MCF2L: variants seen among roughly 807,000 people sequenced by gnomAD.
MCF2L encodes the protein guanine nucleotide exchange factor DBS.
MCF2L carries 97 observed loss-of-function variants against 153.4 expected under a neutral mutation model. That is an observed-to-expected ratio of 0.63 (90% confidence interval 0.54 to 0.75). MCF2L has a LOEUF of 0.75. Ranked by LOEUF, MCF2L falls within the 30% of genes least tolerant of loss-of-function variation. The pLI is 0.00. For synonymous variants in MCF2L, 659 were observed against 632.2 expected (o/e 1.04, Z -0.64); for missense variants, 1,347 against 1,495.2 (o/e 0.90, Z 1.64).
chr13:113,088,691 A>G (rs1322192548), intron 25 of MCF2L, 63 bp downstream of exon 25: 5 of 1,525,480 alleles, frequency 3.3e-6, no homozygotes, highest in Non-Finnish European at 3.6e-6. Flanking sequence ...GGCCATTTGC[A>G]CGCCAGGGTC....
intron 1 of MCF2L, among the ~76,000 whole-genome samples, chr13:112,973,408 GC>G (rs953285249): frequency 1.3e-5 from 2 of 152,198 alleles, no homozygotes; most frequent in South Asian, 2.1e-4. Context: ...AAAACAATTA[GC>G]TTTCATGGGA....
chr13:113,090,202 G>T, intron 26 of MCF2L: 4 of 1,494,042 alleles, frequency 2.7e-6, no homozygotes, highest in Non-Finnish European at 3.6e-6. Flanking sequence ...CACCGTGGTG[G>T]CGTCTGTCAT....
chr13:112,941,676 G>A lies in MCF2L; in HGVS notation c.169+39305G>A, dbSNP rs1021812157. On this transcript the variant is annotated intron_variant, in intron 2 of 29. Coordinates refer to the MCF2L transcript ENST00000375608. The surrounding 1 kb of genome is among the most constrained non-coding windows in gnomAD (Gnocchi z 4.9). ...CAGGTGCCGAGGCAAGAGACCAAGG[G>A]CACGAGCTGTTCCAGTATAATAAAA... Among the ~76,000 whole-genome samples, 2 of 152,014 alleles carry A rather than the reference G, an allele frequency of 1.3e-5. No individual in the cohort carries two copies. Among genetic ancestry groups the A allele is most frequent in the Non-Finnish European group, 2.9e-5 (2 of 68,026 alleles).
intron 1 of MCF2L, among the ~76,000 whole-genome samples, chr13:112,990,909 C>T (rs1241437823): frequency 2.6e-5 from 4 of 152,208 alleles, no homozygotes; most frequent in Non-Finnish European, 4.4e-5. Flanking sequence ...TGGCTGAATG[C>T]GCTCCTGAAA....
In MCF2L at chr13:112,983,385, C is replaced by A. The variant is rs763235578; in HGVS notation, c.79+13927C>A. On this transcript the variant is annotated intron_variant, in intron 1 of 29. Transcript: ENST00000535094. This position sits in a 1 kb window ranked among gnomAD's most constrained non-coding sequence, Gnocchi z 4.0. ...TGGCACTGCGGAAACCCAGGCCGGA[C>A]CTCACAATTGCAGGATGAGCCTCCT... 1.3e-5 allele frequency among the ~76,000 whole-genome samples: 2 copies of A among 152,222 alleles called. No individual in the cohort carries two copies. Among genetic ancestry groups the A allele is most frequent in the Non-Finnish European group, 2.9e-5 (2 of 68,036 alleles).
chr13:112,937,713 A>C (rs1391784681), intron 2 of MCF2L, among the ~76,000 whole-genome samples: 2 of 152,092 alleles, frequency 1.3e-5, no homozygotes, highest in Non-Finnish European at 2.9e-5. Flanking sequence ...GATGCAGCTG[A>C]GCCCTGATTA....
In MCF2L at chr13:113,064,835, TG is replaced by T; in HGVS notation, c.607-98del. The T allele has an allele frequency of 7.4e-7, 1 of 1,350,652 alleles. No homozygotes were observed. Among genetic ancestry groups the T allele is most frequent in the Non-Finnish European group, 1.0e-6 (1 of 982,868 alleles). 83.7% of individuals were successfully genotyped at this position (1,350,652 alleles called of 1,614,324 possible). A position where few individuals can be genotyped will look rare whatever the true frequency, so the allele number is the denominator to read the frequency against. ...CTTTGCGTCAGCCGGTCTCACCTGATGGGTCTGTGTGGGAACGGTTTCCGCC... is the reference window on the plus strand; with the variant it reads ...CTTTGCGTCAGCCGGTCTCACCTGATGGTCTGTGTGGGAACGGTTTCCGCC... On this transcript the variant is annotated intron_variant, in intron 6 of 29. Coordinates refer to ENST00000535094, the MANE Select transcript of MCF2L (RefSeq NM_001112732.3). This position sits in a 1 kb window ranked among gnomAD's most constrained non-coding sequence, Gnocchi z 6.0.
At chr13:112,903,279 C>G (rs918065463) in intron 2 of MCF2L, among the ~76,000 whole-genome samples, 2 of 152,224 alleles carry the variant, frequency 1.3e-5, no homozygotes, top group African/African-American at 4.8e-5. Flanking sequence ...GGGCCTTGTC[C>G]TGAGCTGGCA....
chr13:113,039,463 G>A (rs2086349051), intron 3 of MCF2L, among the ~76,000 whole-genome samples: 1 of 152,190 alleles, frequency 6.6e-6, no homozygotes, highest in South Asian at 2.1e-4. Context: ...GAAAAGGTCA[G>A]TAAATTGGGC....
intron 2 of MCF2L, chr13:112,957,152 C>T (rs1310455430): frequency 1.2e-4 from 18 of 152,188 alleles, no homozygotes; most frequent in Admixed American, 7.2e-4. Flanking sequence ...TCTAACTGAA[C>T]TGCACAAATG....
rs919693215 is a variant in MCF2L at position 112,904,088 on chromosome 13, T to A, written c.169+1717T>A. 6.6e-6 allele frequency among the ~76,000 whole-genome samples: 1 copy of A among 151,950 alleles called. No homozygotes were observed. The stretch of plus-strand genomic sequence containing the variant: ...TGGTGCCTTTCCCTGAGCGCCCAAG[T>A]CTCGCGTGGACCAGCTCTGGGGACT... On this transcript the variant is annotated intron_variant, in intron 2 of 29. Coordinates refer to the MCF2L transcript ENST00000375608. The surrounding 1 kb of genome is among the most constrained non-coding windows in gnomAD (Gnocchi z 4.2).
intron 2 of MCF2L, among the ~76,000 whole-genome samples, chr13:112,930,647 C>T (rs1005504137): frequency 6.6e-6 from 1 of 152,128 alleles, no homozygotes; most frequent in Non-Finnish European, 1.5e-5. Flanking sequence ...ATCTTAATAC[C>T]TGCAAATTTA....
In MCF2L at chr13:113,011,777, C is replaced by T. The variant is rs1367838379; in HGVS notation, c.80-2986C>T. Among the ~76,000 whole-genome samples, 7 of 114,088 alleles carry T rather than the reference C, an allele frequency of 6.1e-5. 1 individual carries two copies. Among genetic ancestry groups the T allele is most frequent in the Non-Finnish European group, 1.3e-4 (7 of 55,640 alleles). The allele number at this position is 114,088 out of a possible 152,430, so 74.8% of individuals were successfully genotyped here. On this transcript the variant is annotated intron_variant, in intron 1 of 29. Coordinates refer to ENST00000535094, the MANE Select transcript of MCF2L (RefSeq NM_001112732.3). ...GAGGACGGTGGACAGGCGGTGTGGA[C>T]GGTGGACACTGTGATGCGGACGGTG...
At chr13:113,032,455 C>T (rs1477103897) in intron 3 of MCF2L, among the ~76,000 whole-genome samples, 5 of 152,260 alleles carry the variant, frequency 3.3e-5, no homozygotes, top group African/African-American at 7.2e-5. Flanking sequence ...TGTTCATCCA[C>T]GTGTGGTGGG....
At chr13:113,062,123 C>T (rs181656663) in intron 5 of MCF2L, among the ~76,000 whole-genome samples, 328 of 151,560 alleles carry the variant, frequency 2.2e-3, no homozygotes, top group African/African-American at 7.8e-3. Context: ...GTGCATGTAC[C>T]GTTTTTTGTA....
At chr13:113,071,606 T>C (rs1466230468) in intron 9 of MCF2L, among the ~76,000 whole-genome samples, 1 of 152,252 alleles carries the variant, frequency 6.6e-6, no homozygotes. Flanking sequence ...CCAATTGCTG[T>C]AGCACTGTTT....
chr13:112,954,443 T>C (rs752067066), intron 2 of MCF2L, among the ~76,000 whole-genome samples: 5 of 152,244 alleles, frequency 3.3e-5, no homozygotes, highest in South Asian at 2.1e-4. Context: ...CTGCTTCCCA[T>C]TGCGATGTGG....
chr13:113,021,282 C>CTGTGTGTAGCTGTGTGTG (rs6145251), intron 2 of MCF2L, among the ~76,000 whole-genome samples: 1 of 151,632 alleles, frequency 6.6e-6, no homozygotes, highest in East Asian at 1.9e-4. Flanking sequence ...GTATAGGTAG[C>CTGTGTGTAGCTGTGTGTG]TGTGTGTAGC....
intron 1 of MCF2L, among the ~76,000 whole-genome samples, chr13:113,012,606 G>T (rs2084228936): frequency 8.6e-6 from 1 of 116,272 alleles, no homozygotes; most frequent in Non-Finnish European, 1.9e-5. Context: ...TGTGGACACT[G>T]TGATGCGGAC....
Sources: allele counts gnomAD v4.1 joint callset (sites outside exome capture counted in the v4.1 genomes callset), GRCh38; gene constraint gnomAD v4.1.1; non-coding constraint Gnocchi (gnomAD v3.1); transcripts MANE v1.5; gene names NCBI Gene and HGNC (gene_info 2026-07-23, HGNC 2026-07-21).